The following ARIH2 variants were observed in gnomAD, a reference collection of about 807,000 sequenced individuals.
ARIH2 encodes the protein E3 ubiquitin-protein ligase ARIH2.
In ARIH2, 12 loss-of-function variants were observed where a neutral mutation model predicts 79.8. That is an observed-to-expected ratio of 0.15 (90% CI 0.10 to 0.24). The LOEUF (loss-of-function observed/expected upper bound fraction) is 0.24. ARIH2 is among the 10% of genes least tolerant of loss of function. The pLI is 1.00. For missense variants in ARIH2, 301 were observed against 618.3 expected (o/e 0.49, Z 5.44); for synonymous variants, 224 against 213.9 (o/e 1.05, Z -0.41).
At chr3:48,959,326 A>G (rs2090986881) in intron 3 of ARIH2, among the ~76,000 whole-genome samples, 1 of 151,712 alleles carries the variant, frequency 6.6e-6, no homozygotes, top group Admixed American at 6.6e-5. Flanking sequence ...AAAAAAAAAA[A>G]AAAATACAAT....
intron 1 of ARIH2, among the ~76,000 whole-genome samples, chr3:48,921,802 A>T (rs2084868122): frequency 6.7e-6 from 1 of 149,110 alleles, no homozygotes; most frequent in Non-Finnish European, 1.5e-5. Flanking sequence ...CCTAGACTGG[A>T]GTGTAGTGGC....
At chr3:48,930,661 A>G (rs1216078649) in intron 3 of ARIH2, among the ~76,000 whole-genome samples, 1 of 152,108 alleles carries the variant, frequency 6.6e-6, no homozygotes, top group Non-Finnish European at 1.5e-5. Context: ...ATGAGAGGGA[A>G]TAATTTAAGT....
intron 3 of ARIH2, among the ~76,000 whole-genome samples, chr3:48,949,385 G>T (rs1467618409): frequency 6.6e-6 from 1 of 152,198 alleles, no homozygotes; most frequent in African/African-American, 2.4e-5. Context: ...GGGATTACAG[G>T]TGTGAGCCAT....
chr3:48,980,388 A>G lies in ARIH2; in HGVS notation c.1149A>G (p.Ala383=), dbSNP rs2092704962. The part of the protein sequence containing the change: ...ENHNKSLQLE[A]QTYQRIHEKI... ...ACAATAAAAGCTTGCAGCTAGAGGC[A>G]CAGACATACCAGCGGATTCACGAGA... Residue 383 remains alanine (A), a synonymous_variant, in exon 13 of 16, where the codon GCA becomes GCG. Transcript: ENST00000356401. The G allele has an allele frequency of 2.5e-6, 4 of 1,614,136 alleles. No homozygotes were observed. The highest frequency in any genetic ancestry group is 3.4e-6 in the Non-Finnish European group (4 of 1,180,026).
chr3:48,937,669 C>G (rs1196076331), intron 3 of ARIH2, among the ~76,000 whole-genome samples: 1 of 152,166 alleles, frequency 6.6e-6, no homozygotes, highest in Non-Finnish European at 1.5e-5. Flanking sequence ...CTCCAAACCT[C>G]TACTTCTGTG....
intron 3 of ARIH2, among the ~76,000 whole-genome samples, chr3:48,944,677 C>T (rs1215362579): frequency 6.6e-6 from 1 of 152,020 alleles, no homozygotes; most frequent in Admixed American, 6.6e-5. Context: ...CAGGGGTGAG[C>T]CTGGTTTAGG....
intron 3 of ARIH2, among the ~76,000 whole-genome samples, chr3:48,939,612 G>A (rs562392320): frequency 1.9e-4 from 29 of 151,456 alleles, no homozygotes; most frequent in African/African-American, 6.3e-4. Flanking sequence ...AAAAAAATTA[G>A]CCGGGTGTGG....
chr3:48,948,986 G>C, intron 3 of ARIH2: 1 of 414,972 alleles, frequency 2.4e-6, no homozygotes, highest in South Asian at 1.7e-5. Context: ...TTCTAATTTT[G>C]GGCTACTACG....
Position 48,929,289 on chromosome 3 carries a change from G to C in ARIH2, c.255+1476G>C, listed in dbSNP as rs374548543. Among the ~76,000 whole-genome samples the C allele has an allele frequency of 1.2e-4, 18 of 151,684 alleles. No homozygotes were observed. The East Asian group carries it at 2.5e-3, about 21-fold the overall frequency. Reference sequence around the variant, plus strand: ...TGCTGGCTTTTTCTGCCCTGCTAGAGACAGCTGAGGGGCCCAAGCACCTGT... The same window carrying C: ...TGCTGGCTTTTTCTGCCCTGCTAGACACAGCTGAGGGGCCCAAGCACCTGT... On this transcript the variant is annotated intron_variant, in intron 3 of 15. Coordinates refer to ENST00000356401, the MANE Select transcript of ARIH2 (RefSeq NM_006321.4).
chr3:48,979,469 C>T lies in ARIH2; in HGVS notation c.962-13C>T. The T allele has an allele frequency of 6.2e-7, 1 of 1,610,940 alleles. No homozygotes were observed. The highest frequency in any genetic ancestry group is 8.5e-7 in the Non-Finnish European group (1 of 1,178,216). On this transcript the variant is annotated splice_polypyrimidine_tract_variant and intron_variant, in intron 11 of 15. Coordinates refer to ENST00000356401, the MANE Select transcript of ARIH2 (RefSeq NM_006321.4). The stretch of plus-strand genomic sequence containing the variant: ...CTTGTAGATGTAAATGACTCTTCCT[C>T]TGTTCTGCACAGACTTCTGCTGGAT...
intron 1 of ARIH2, chr3:48,921,625 G>A (rs1031953952): frequency 2.6e-5 from 4 of 151,792 alleles, no homozygotes; most frequent in Non-Finnish European, 5.9e-5. Flanking sequence ...GTAGCAGTGA[G>A]GTTTCACCAT....
At chr3:48,983,114 G>A (rs1395510401) in intron 15 of ARIH2, 85 bp from the exon 16 acceptor site, 15 of 1,540,460 alleles carry the variant, frequency 9.7e-6, no homozygotes, top group Non-Finnish European at 1.3e-5. Context: ...ACTCCTTGGA[G>A]GTCCTGGAGG....
chr3:48,940,387 A>G (rs996569195), intron 3 of ARIH2, among the ~76,000 whole-genome samples: 3 of 151,144 alleles, frequency 2.0e-5, no homozygotes, highest in African/African-American at 7.3e-5. Flanking sequence ...GATAGATAAA[A>G]AGAGAGAGAG....
intron 11 of ARIH2, among the ~76,000 whole-genome samples, chr3:48,975,475 TG>T (rs1328929713): frequency 6.6e-6 from 1 of 152,098 alleles, no homozygotes; most frequent in Non-Finnish European, 1.5e-5. Flanking sequence ...CCAGGTCAAC[TG>T]AAGAAACAGA....
chr3:48,965,939 T>C (rs956932975), intron 5 of ARIH2, among the ~76,000 whole-genome samples: 1 of 147,846 alleles, frequency 6.8e-6, no homozygotes, highest in Non-Finnish European at 1.5e-5. Context: ...CACTCCAGCC[T>C]GGGCGACAGA....
At chr3:48,938,694 C>G (rs2087532936) in intron 3 of ARIH2, among the ~76,000 whole-genome samples, 1 of 151,950 alleles carries the variant, frequency 6.6e-6, no homozygotes, top group African/African-American at 2.4e-5. Flanking sequence ...AAGGCACATG[C>G]ATGTTGTAAA....
intron 3 of ARIH2, among the ~76,000 whole-genome samples, chr3:48,947,810 A>G (rs2089400383): frequency 6.6e-6 from 1 of 152,206 alleles, no homozygotes; most frequent in Non-Finnish European, 1.5e-5. Context: ...CATATACTAT[A>G]CCATCTAGAT....
chr3:48,944,387 T>C (rs1173335990), intron 3 of ARIH2, among the ~76,000 whole-genome samples: 1 of 152,220 alleles, frequency 6.6e-6, no homozygotes. Flanking sequence ...GTCTTTGGTT[T>C]TTTTGGTATT....
intron 3 of ARIH2, chr3:48,934,360 A>G (rs2086823186): frequency 1.1e-6 from 1 of 925,732 alleles, no homozygotes; most frequent in African/African-American, 1.8e-5. Flanking sequence ...TTATTCTGAT[A>G]TAGCTGAATT....
Sources: gnomAD v4.1 joint callset for allele counts (sites outside exome capture counted in the v4.1 genomes callset) on GRCh38, gnomAD v4.1.1 for gene constraint, MANE v1.5 for transcripts, NCBI Gene and HGNC (gene_info 2026-07-23, HGNC 2026-07-21) for gene names.